CHCHD6: variants seen among roughly 807,000 people sequenced by gnomAD.
The protein encoded by CHCHD6 is MICOS complex subunit MIC25.
In CHCHD6, 28 loss-of-function variants were observed where a neutral mutation model predicts 32.3. That is an observed-to-expected ratio of 0.87 (90% CI 0.64 to 1.19). The LOEUF (loss-of-function observed/expected upper bound fraction) is 1.19, where lower values mean the gene tolerates loss of function less well. Among genes scored for constraint, CHCHD6 ranks in the 50% most tolerant of loss-of-function variants. The pLI is 0.00. For synonymous variants in CHCHD6, 122 were observed against 117.5 expected (o/e 1.04, Z -0.25); for missense variants, 333 against 307.0 (o/e 1.08, Z -0.63).
At chr3:126,829,614 G>A (rs80000438) in intron 4 of CHCHD6, among the ~76,000 whole-genome samples, 8,642 of 151,898 alleles carry the variant, frequency 0.057, 780 homozygotes, top group African/African-American at 0.19. Flanking sequence ...TGAGGGTGGG[G>A]CCTCCATGGT....
intron 4 of CHCHD6, among the ~76,000 whole-genome samples, chr3:126,794,283 T>C (rs1160343320): frequency 6.7e-6 from 1 of 148,964 alleles, no homozygotes; most frequent in Non-Finnish European, 1.5e-5. Flanking sequence ...TTTAAAAGTA[T>C]AGTTTGTATA....
intron 4 of CHCHD6, among the ~76,000 whole-genome samples, chr3:126,850,907 C>G (rs1941451054): frequency 6.6e-6 from 1 of 152,292 alleles, no homozygotes; most frequent in East Asian, 1.9e-4. Context: ...GGCATTTAGT[C>G]CCACTGTTTG....
intron 4 of CHCHD6, among the ~76,000 whole-genome samples, chr3:126,798,534 G>T (rs1245353199): frequency 2.0e-5 from 3 of 152,150 alleles, no homozygotes; most frequent in African/African-American, 7.2e-5. Context: ...TTTGTGGCAG[G>T]CCTAGTCATG....
At chr3:126,802,756 T>G (rs1479361199) in intron 4 of CHCHD6, among the ~76,000 whole-genome samples, 1 of 152,040 alleles carries the variant, frequency 6.6e-6, no homozygotes, top group African/African-American at 2.4e-5. Context: ...CCAAGACACA[T>G]AACTGTCAGA....
rs2078729967 is a variant in CHCHD6 at position 126,952,584 on chromosome 3, CT to C, written c.567-4831del. On this transcript the variant is annotated intron_variant, in intron 6 of 7. Transcript: ENST00000290913. The stretch of plus-strand genomic sequence containing the variant: ...AGGTGCCGTCAGCTGAGCAGTGAGG[CT>C]CGGCATGGGGCCCAGGGGAGTGGGG... Among the ~76,000 whole-genome samples, 3 of 152,268 alleles carry C rather than the reference CT, an allele frequency of 2.0e-5. No individual in the cohort carries two copies. The South Asian group carries it at 6.2e-4, about 32-fold the overall frequency.
intron 6 of CHCHD6, among the ~76,000 whole-genome samples, chr3:126,937,435 G>A (rs576443258): frequency 1.3e-5 from 2 of 152,298 alleles, no homozygotes; most frequent in African/African-American, 4.8e-5. Flanking sequence ...CAGGACTGGT[G>A]CCTGTGTGGC....
intron 5 of CHCHD6, among the ~76,000 whole-genome samples, chr3:126,887,612 C>T (rs1256658218): frequency 1.3e-5 from 2 of 152,154 alleles, no homozygotes; most frequent in Non-Finnish European, 2.9e-5. Flanking sequence ...GCCTGAAACC[C>T]ATGTCTTCTG....
At chr3:126,805,459 A>G (rs1001083937) in intron 4 of CHCHD6, among the ~76,000 whole-genome samples, 9 of 152,080 alleles carry the variant, frequency 5.9e-5, no homozygotes, top group Admixed American at 5.9e-4. Context: ...CAATTGCTTC[A>G]AAGAGAATAA....
chr3:126,877,514 C>T (rs995708109), intron 5 of CHCHD6, among the ~76,000 whole-genome samples: 1 of 150,876 alleles, frequency 6.6e-6, no homozygotes, highest in Non-Finnish European at 1.5e-5. Flanking sequence ...GAGATTGTGC[C>T]ACTGCACTCC....
At chr3:126,802,731 T>C (rs1275820042) in intron 4 of CHCHD6, among the ~76,000 whole-genome samples, 1 of 152,082 alleles carries the variant, frequency 6.6e-6, no homozygotes, top group Non-Finnish European at 1.5e-5. Flanking sequence ...AAGATACTCC[T>C]CGAGAAGAGC....
rs752978460 is a variant in CHCHD6 at position 126,892,670 on chromosome 3, CTG to C, written c.496-22008_496-22007del. Among the ~76,000 whole-genome samples the C allele has an allele frequency of 3.9e-5, 6 of 152,338 alleles. No individual in the cohort carries two copies. In the East Asian group the frequency reaches 1.2e-3, roughly 29 times the overall value. ...CTGCATAAACCCCCCCTTCTCCAGA[CTG>C]TATTCCCTTACTCTCATTTCCATAT... is the stretch of plus-strand genomic sequence containing the variant. On this transcript the variant is annotated intron_variant, in intron 5 of 7. Coordinates refer to ENST00000290913, the MANE Select transcript of CHCHD6 (RefSeq NM_032343.3).
At position 126,900,602 on chromosome 3, in the gene CHCHD6, C is replaced by CTTT. The variant is rs35627042; in HGVS notation, c.496-14061_496-14059dup. 1.4e-3 allele frequency among the ~76,000 whole-genome samples: 167 copies of CTTT among 116,746 alleles called. 4 individuals are homozygous for CTTT. The highest frequency in any genetic ancestry group is 4.9e-3 in the Middle Eastern group (1 of 204). The allele number at this position is 116,746 out of a possible 152,430, so 76.6% of individuals were successfully genotyped here. A position where few individuals can be genotyped will look rare whatever the true frequency, so the allele number is the denominator to read the frequency against. ...AGAGAAGGACGGGAGGTGTGACACA[C>CTTT]TTTTTTTTTTTTTTTTTTTGAGGCG... is the stretch of plus-strand genomic sequence containing the variant. On this transcript the variant is annotated intron_variant, in intron 5 of 7. Coordinates refer to ENST00000290913, the MANE Select transcript of CHCHD6 (RefSeq NM_032343.3).
rs560723536 is a variant in CHCHD6, at chr3:126,733,176, C to G, written c.365C>G (p.Thr122Arg). 1 of 1,614,160 alleles carries G rather than the reference C, an allele frequency of 6.2e-7. No individual in the cohort carries two copies. The highest frequency in any genetic ancestry group is 8.5e-7 in the Non-Finnish European group (1 of 1,179,998). The change falls in exon 4 of 8, where the codon ACG becomes AGG. Residue 122 changes from threonine to arginine, a missense_variant. Physicochemically the swap from Thr to Arg is moderately conservative, Grantham distance 71. Coordinates refer to ENST00000290913, the MANE Select transcript of CHCHD6 (RefSeq NM_032343.3). Reference protein sequence around the residue: ...ATKHSKASLPTGEGSISHEEQ... With the variant: ...ATKHSKASLPRGEGSISHEEQ... Reference sequence around the variant, plus strand: ...AAGCACTCCAAGGCATCCCTGCCCACGGGCGAAGGCAGCATCAGCCATGAG... The same window carrying G: ...AAGCACTCCAAGGCATCCCTGCCCAGGGGCGAAGGCAGCATCAGCCATGAG...
chr3:126,719,716 TG>T (rs35094648), intron 1 of CHCHD6, among the ~76,000 whole-genome samples: 3,722 of 152,276 alleles, frequency 0.024, 136 homozygotes, highest in African/African-American at 0.079. Context: ...TGAGGGACTG[TG>T]TCACTCCCTT....
At chr3:126,908,952 GGC>G (rs1459597964) in intron 5 of CHCHD6, among the ~76,000 whole-genome samples, 2 of 152,242 alleles carry the variant, frequency 1.3e-5, no homozygotes, top group Non-Finnish European at 2.9e-5. Context: ...ACCCTGCACA[GGC>G]GGTCTGACCA....
chr3:126,863,717 T>C (rs1447437977), intron 5 of CHCHD6, among the ~76,000 whole-genome samples: 44 of 70,206 alleles, frequency 6.3e-4, no homozygotes, highest in Admixed American at 9.8e-4. Flanking sequence ...TCCTCTACCA[T>C]CACCACGTCC....
At chr3:126,802,660 G>T (rs564104084) in intron 4 of CHCHD6, among the ~76,000 whole-genome samples, 1 of 152,160 alleles carries the variant, frequency 6.6e-6, no homozygotes, top group East Asian at 1.9e-4. Context: ...ATCCAGGAGA[G>T]CTTCCCCAAT....
intron 4 of CHCHD6, among the ~76,000 whole-genome samples, chr3:126,785,747 C>A (rs1049496686): frequency 6.6e-6 from 1 of 151,976 alleles, no homozygotes; most frequent in African/African-American, 2.4e-5. Context: ...AATAACTGTC[C>A]CCAATTAAAT....
intron 5 of CHCHD6, among the ~76,000 whole-genome samples, chr3:126,907,386 C>CTCAT (rs199977724): frequency 1.3e-5 from 2 of 152,316 alleles, no homozygotes; most frequent in East Asian, 3.9e-4. Context: ...AATTAAAATT[C>CTCAT]TCATTCATTC....
Sources: gnomAD v4.1 joint callset for allele counts (sites outside exome capture counted in the v4.1 genomes callset) on GRCh38, gnomAD v4.1.1 for gene constraint, MANE v1.5 for transcripts, NCBI Gene and HGNC (gene_info 2026-07-23, HGNC 2026-07-21) for gene names.